ZFYVE28: variants seen among roughly 807,000 people sequenced by gnomAD.
The protein encoded by ZFYVE28 is zinc finger FYVE-type containing 28.
A neutral mutation model predicts 82.1 loss-of-function variants in ZFYVE28; 40 were observed. The observed-to-expected ratio is 0.49, with a 90% CI of 0.38 to 0.63. ZFYVE28 has a LOEUF of 0.63. Ranked by LOEUF, ZFYVE28 falls within the 30% of genes least tolerant of loss-of-function variation. The pLI, the probability that ZFYVE28 is intolerant of heterozygous loss-of-function variation, is 0.00. For missense variants in ZFYVE28, 1,321 were observed against 1,242.1 expected, an observed-to-expected ratio of 1.06 and a Z score of -0.96; for synonymous variants, 612 against 546.1, an observed-to-expected ratio of 1.12 and a Z score of -1.68.
At chr4:2,347,441 C>A (rs1226528561) in intron 2 of ZFYVE28, among the ~76,000 whole-genome samples, 1 of 152,156 alleles carries the variant, frequency 6.6e-6, no homozygotes, top group Non-Finnish European at 1.5e-5. Context: ...ACAGAACATT[C>A]CACCCAACCA....
At chr4:2,379,021 G>A (rs1480417008) in intron 1 of ZFYVE28, among the ~76,000 whole-genome samples, 2 of 152,184 alleles carry the variant, frequency 1.3e-5, no homozygotes, top group African/African-American at 4.8e-5. Context: ...CAGGCATCCT[G>A]GTGAGCCACT....
intron 6 of ZFYVE28, chr4:2,330,565 A>G (rs1720515384): frequency 8.5e-7 from 1 of 1,175,556 alleles, no homozygotes; most frequent in Admixed American, 4.3e-5. Context: ...CAGCATGGAG[A>G]ATGGGATAGC....
chr4:2,395,215 A>G (rs939041814), intron 1 of ZFYVE28, among the ~76,000 whole-genome samples: 1 of 52,376 alleles, frequency 1.9e-5, no homozygotes, highest in Non-Finnish European at 4.7e-5. Context: ...CAGAGCAGAC[A>G]GTGAGGGCAC....
intron 6 of ZFYVE28, among the ~76,000 whole-genome samples, chr4:2,322,207 A>C (rs1020850123): frequency 4.0e-5 from 6 of 150,960 alleles, no homozygotes; most frequent in Admixed American, 6.6e-5. Flanking sequence ...TGGGGGCCAG[A>C]GGTGGGGAGC....
intron 1 of ZFYVE28, among the ~76,000 whole-genome samples, chr4:2,410,033 A>T (rs1453284782): frequency 6.6e-6 from 1 of 152,022 alleles, no homozygotes; most frequent in African/African-American, 2.4e-5. Context: ...ATTTTTTTTT[A>T]TTCAGGGGCA....
intron 1 of ZFYVE28, among the ~76,000 whole-genome samples, chr4:2,361,153 T>C (rs1170534045): frequency 3.3e-5 from 5 of 152,142 alleles, no homozygotes; most frequent in African/African-American, 7.2e-5. Context: ...ACAGTGAAAG[T>C]GTTCACTGTT....
intron 1 of ZFYVE28, among the ~76,000 whole-genome samples, chr4:2,368,517 C>A (rs1394499238): frequency 1.2e-5 from 1 of 82,546 alleles, no homozygotes; most frequent in Non-Finnish European, 2.9e-5. Context: ...TAGCAGTCAT[C>A]CCCCTACCCC....
At chr4:2,365,831 G>C (rs1384878994) in intron 1 of ZFYVE28, among the ~76,000 whole-genome samples, 1 of 152,216 alleles carries the variant, frequency 6.6e-6, no homozygotes, top group Non-Finnish European at 1.5e-5. Flanking sequence ...AAATTCTGAA[G>C]GAAAAGGGAG....
chr4:2,329,513 T>C (rs981147533), intron 6 of ZFYVE28, among the ~76,000 whole-genome samples: 1 of 152,226 alleles, frequency 6.6e-6, no homozygotes, highest in East Asian at 1.9e-4. Context: ...AATAAGACAG[T>C]CACAAAAGGG....
At chr4:2,337,017 G>C (rs1428536494) in intron 5 of ZFYVE28, among the ~76,000 whole-genome samples, 1 of 151,558 alleles carries the variant, frequency 6.6e-6, no homozygotes, top group East Asian at 1.9e-4. Flanking sequence ...GAGGAGGTGA[G>C]GAGTGAGGAC....
rs893277620 is a variant in ZFYVE28, at chr4:2,271,389, C to G, written c.2454G>C (p.Glu818Asp). Residue 818 changes from glutamate (E) to aspartate (D), a missense_variant, in exon 12 of 13, where the codon GAG becomes GAC. By Grantham distance (45) the Glu-to-Asp change is conservative (BLOSUM62 2). Around this residue, in one of 2 missense-constraint regions of ZFYVE28, gnomAD observed 978 missense variants for 833.7 expected, o/e 1.17. Coordinates refer to ENST00000290974, the MANE Select transcript of ZFYVE28 (RefSeq NM_020972.3). ...FEDPPEWVPD[E>D]ACGFCTACKA... Reference sequence around the variant, plus strand: ...TGCACGCCGTGCAGAAGCCACAGGCCTCGTCTGGCACCCACTCCGGGGGGT... The same window carrying G: ...TGCACGCCGTGCAGAAGCCACAGGCGTCGTCTGGCACCCACTCCGGGGGGT... The G allele has an allele frequency of 3.7e-6, 6 of 1,612,788 alleles. No homozygotes were observed. The South Asian group carries it at 6.6e-5, about 18-fold the overall frequency.
At chr4:2,327,002 A>G (rs1719932083) in intron 6 of ZFYVE28, among the ~76,000 whole-genome samples, 1 of 151,844 alleles carries the variant, frequency 6.6e-6, no homozygotes, top group Non-Finnish European at 1.5e-5. Context: ...CTATAATCCC[A>G]GCACTTTGGG....
At chr4:2,337,295 G>T in intron 5 of ZFYVE28, 112 bp downstream of exon 5, 1 of 898,882 alleles carries the variant, frequency 1.1e-6, no homozygotes. Flanking sequence ...TTCCATCTGG[G>T]GCACTCCCGA....
chr4:2,354,243 A>G (rs1724911190), intron 1 of ZFYVE28, among the ~76,000 whole-genome samples, 170 bp from the exon 2 acceptor site: 1 of 152,088 alleles, frequency 6.6e-6, no homozygotes, highest in Non-Finnish European at 1.5e-5. Context: ...GGAAACAACT[A>G]AAGCTGAGGC....
In ZFYVE28 at chr4:2,416,016, A is replaced by G. The variant is rs993475963; in HGVS notation, c.39+2269T>C. Among the ~76,000 whole-genome samples, 4 of 152,176 alleles carry G rather than the reference A, an allele frequency of 2.6e-5. No homozygotes were observed. The highest frequency in any genetic ancestry group is 7.2e-5 in the African/African-American group (3 of 41,438). ...GCATGCCAGGAGAAGACAACGAGAAAAAGGAGAGATCCACATCAATCCTGT... is the reference window on the plus strand; with the variant it reads ...GCATGCCAGGAGAAGACAACGAGAAGAAGGAGAGATCCACATCAATCCTGT... On this transcript the variant is annotated intron_variant, in intron 1 of 12. Transcript: ENST00000290974. The surrounding 1 kb of genome is among the most constrained non-coding windows in gnomAD (Gnocchi z 4.6).
Position 2,302,673 on chromosome 4 carries a change from C to T in ZFYVE28, c.2051+1616G>A, listed in dbSNP as rs573918975. Among the ~76,000 whole-genome samples, 33 of 152,344 alleles carry T rather than the reference C, an allele frequency of 2.2e-4. 1 individual carries two copies. The South Asian group carries it at 3.5e-3, about 16-fold the overall frequency. Reference sequence around the variant, plus strand: ...ACCTGTGTCCACACAAAAACTTGGACGAAAATTTTCATCACATCCATAACC... The same window carrying T: ...ACCTGTGTCCACACAAAAACTTGGATGAAAATTTTCATCACATCCATAACC... On this transcript the variant is annotated intron_variant, in intron 8 of 12. Transcript: ENST00000290974.
At chr4:2,355,068 C>T (rs564819415) in intron 1 of ZFYVE28, among the ~76,000 whole-genome samples, 93 of 151,386 alleles carry the variant, frequency 6.1e-4, no homozygotes, top group Non-Finnish European at 9.9e-4. Flanking sequence ...TGGTGCTCTA[C>T]GCACACAGCA....
chr4:2,275,300 G>A lies in ZFYVE28; in HGVS notation c.2052-1084C>T, dbSNP rs568204102. Among the ~76,000 whole-genome samples, 4 of 152,286 alleles carry A rather than the reference G, an allele frequency of 2.6e-5. No individual in the cohort carries two copies. In the South Asian group the frequency reaches 6.2e-4, roughly 24 times the overall value. ...TCACAGCTGGGCCTGTACTAACTCC[G>A]GAGGTTCACCTCGCCCAACTCTAGG... On this transcript the variant is annotated intron_variant, in intron 8 of 12. Coordinates refer to ENST00000290974, the MANE Select transcript of ZFYVE28 (RefSeq NM_020972.3).
intron 8 of ZFYVE28, among the ~76,000 whole-genome samples, chr4:2,299,633 A>G: frequency 7.7e-6 from 1 of 129,608 alleles, no homozygotes; most frequent in Admixed American, 8.0e-5. Flanking sequence ...AAGGAAGGGA[A>G]GGGAAGGGAG....
Sources: allele counts gnomAD v4.1 joint callset (sites outside exome capture counted in the v4.1 genomes callset), GRCh38; gene constraint gnomAD v4.1.1; regional missense constraint gnomAD v4.1.1; non-coding constraint Gnocchi (gnomAD v3.1); transcripts MANE v1.5; gene names NCBI Gene and HGNC (gene_info 2026-07-23, HGNC 2026-07-21).